DHX57: variants seen among roughly 807,000 people sequenced by gnomAD.
DHX57 encodes DExH-box helicase 57, also known as putative ATP-dependent RNA helicase DHX57.
DHX57 carries 105 observed loss-of-function variants against 156.2 expected under a neutral mutation model. The ratio of observed to expected loss-of-function variants is 0.67; its 90% CI spans 0.57 to 0.79. The LOEUF (loss-of-function observed/expected upper bound fraction) is 0.79. DHX57 is among the 30% of genes least tolerant of loss of function. The pLI, the probability that DHX57 is intolerant of heterozygous loss-of-function variation, is 0.00. For missense variants in DHX57, 1,847 were observed against 1,661.9 expected (o/e 1.11, Z -1.94); for synonymous variants, 704 against 595.6 (o/e 1.18, Z -2.65).
At chr2:38,819,264 T>C in intron 17 of DHX57, 120 bp from the exon 18 acceptor site, 2 of 874,352 alleles carry the variant, frequency 2.3e-6, no homozygotes, top group Non-Finnish European at 3.6e-6. Flanking sequence ...AACCTTTATC[T>C]CCCAGGCTTA....
intron 19 of DHX57, among the ~76,000 whole-genome samples, chr2:38,818,169 AT>A: frequency 6.6e-6 from 1 of 152,296 alleles, no homozygotes; most frequent in Middle Eastern, 3.4e-3. Context: ...CTCCAGAATA[AT>A]GCACATATGT....
At chr2:38,859,614 A>G (rs181461618) in intron 5 of DHX57, among the ~76,000 whole-genome samples, 30 of 152,296 alleles carry the variant, frequency 2.0e-4, no homozygotes, top group Non-Finnish European at 3.5e-4. Context: ...CAAGGAACAC[A>G]TTTGAATCCC....
chr2:38,866,016 A>G (rs1259067270), intron 2 of DHX57, among the ~76,000 whole-genome samples: 1 of 152,188 alleles, frequency 6.6e-6, no homozygotes, highest in Non-Finnish European at 1.5e-5. Flanking sequence ...GGAGGAAGGG[A>G]CAGCAAAATC....
In DHX57 at chr2:38,826,607, T is replaced by G; in HGVS notation, c.2722A>C (p.Lys908Gln). ...VFVKPPAGVT[K>Q]IIISTNIAET... ...GCAATGTTGGTGGAAATTATAATCT[T>G]AGTTACTCCTGCAGGAGGTTTTACA... Residue 908 changes from lysine to glutamine, a missense_variant, in exon 15 of 24, where the codon AAG (lysine) becomes CAG (glutamine). Lys to Gln is a moderately conservative substitution (Grantham distance 53). Transcript: ENST00000457308. The G allele has an allele frequency of 6.2e-7, 1 of 1,614,168 alleles. No individual in the cohort carries two copies.
At chr2:38,815,337 T>C (rs562838179) in intron 20 of DHX57, among the ~76,000 whole-genome samples, 184 bp downstream of exon 20, 1 of 152,284 alleles carries the variant, frequency 6.6e-6, no homozygotes, top group South Asian at 2.1e-4. Flanking sequence ...AGTGTTGGGA[T>C]TATAGGCACG....
chr2:38,863,490 T>A lies in DHX57; in HGVS notation c.254A>T (p.Glu85Val). 1 of 1,613,968 alleles carries A rather than the reference T, an allele frequency of 6.2e-7. No homozygotes were observed. The highest frequency in any genetic ancestry group is 8.5e-7 in the Non-Finnish European group (1 of 1,179,998). Reference protein sequence around the residue: ...RPSNSNISKGESRPKWKPKAK... With the variant: ...RPSNSNISKGVSRPKWKPKAK... ...TTTGGGTTTCCATTTTGGGCGTGAC[T>A]CTCCTTTGCTTATGTTACTGTTGCT... Residue 85 changes from glutamate to valine, a missense_variant, in exon 3 of 24, where the codon GAG becomes GTG. Transcript: ENST00000457308.
rs1212408090 is a variant in DHX57, at chr2:38,862,262, C to T, written c.455G>A (p.Gly152Glu). 6.2e-7 allele frequency: 1 copy of T among 1,613,968 alleles called. No individual in the cohort carries two copies. The highest frequency in any genetic ancestry group is 8.5e-7 in the Non-Finnish European group (1 of 1,179,882). Residue 152 changes from glycine (G) to glutamate (E), a missense_variant, in exon 4 of 24, where the codon GGA (glycine) becomes GAA (glutamate). Coordinates refer to ENST00000457308, the MANE Select transcript of DHX57 (RefSeq NM_198963.3). ...GTCGGGAACGAGGGAAGGTTCCTGT[C>T]CAGCTGGCCAGTACCGCTCATCGTT... Reference protein sequence around the residue: ...CCNDERYWPAGQEPSLVPDLD... With the variant: ...CCNDERYWPAEQEPSLVPDLD...
At position 38,858,809 on chromosome 2, in the gene DHX57, G is replaced by C; in HGVS notation, c.1439C>G (p.Ser480Ter). Residue 480 changes from serine (S) to a stop codon, truncating the protein, a stop_gained, in exon 6 of 24, where the codon TCA (serine) becomes TGA (stop). Transcript: ENST00000457308. LOFTEE classifies it high-confidence loss of function. ...EVEKASESEE[S>*]DEDDGPAPVI... Reference sequence around the variant, plus strand: ...AGGTGCAGGACCGTCATCCTCATCTGACTCCTCAGATTCTGATGCTTTTTC... The same window carrying C: ...AGGTGCAGGACCGTCATCCTCATCTCACTCCTCAGATTCTGATGCTTTTTC... The C allele has an allele frequency of 6.2e-7, 1 of 1,611,880 alleles. No individual in the cohort carries two copies. Among genetic ancestry groups the C allele is most frequent in the Non-Finnish European group, 8.5e-7 (1 of 1,179,486 alleles).
chr2:38,863,474 C>A lies in DHX57; in HGVS notation c.270G>T (p.Trp90Cys). 6.2e-7 allele frequency: 1 copy of A among 1,614,076 alleles called. No individual in the cohort carries two copies. Among genetic ancestry groups the A allele is most frequent in the Middle Eastern group, 1.6e-4 (1 of 6,062 alleles). The change falls in exon 3 of 24, where the codon TGG (tryptophan) becomes TGT (cysteine). Residue 90 changes from tryptophan (W) to cysteine (C), a missense_variant. Trp to Cys is a radical substitution (Grantham distance 215). Coordinates refer to ENST00000457308, the MANE Select transcript of DHX57 (RefSeq NM_198963.3). ...NISKGESRPK[W>C]KPKAKVPLQT... is the part of the protein sequence containing the mutation. Reference sequence around the variant, plus strand: ...GAAGGGGTACTTTGGCTTTGGGTTTCCATTTTGGGCGTGACTCTCCTTTGC... The same window carrying A: ...GAAGGGGTACTTTGGCTTTGGGTTTACATTTTGGGCGTGACTCTCCTTTGC...
At chr2:38,816,213 T>G (rs891574066) in intron 19 of DHX57, 2 of 470,590 alleles carry the variant, frequency 4.2e-6, no homozygotes, top group Admixed American at 4.7e-5. Flanking sequence ...ATTAAGTGAT[T>G]CAATATTTTT....
intron 5 of DHX57, among the ~76,000 whole-genome samples, chr2:38,859,564 A>G (rs1673077169): frequency 6.6e-6 from 1 of 152,200 alleles, no homozygotes; most frequent in South Asian, 2.1e-4. Context: ...TAAAACTATT[A>G]TTTTAGAAAA....
chr2:38,854,703 AG>A, intron 8 of DHX57: 1 of 201,546 alleles, frequency 5.0e-6, no homozygotes, highest in Non-Finnish European at 1.0e-5. Flanking sequence ...CTGGGATTAC[AG>A]GCGTGTGCCA....
chr2:38,815,453 G>T (rs943398317), intron 20 of DHX57, 68 bp downstream of exon 20: 68 of 1,592,886 alleles, frequency 4.3e-5, no homozygotes, highest in Non-Finnish European at 5.5e-5. Context: ...GTCTACAAGT[G>T]TTCCCAGGTT....
At chr2:38,833,269 T>A (rs980762937) in intron 13 of DHX57, among the ~76,000 whole-genome samples, 7 of 151,920 alleles carry the variant, frequency 4.6e-5, no homozygotes, top group African/African-American at 7.3e-5. Flanking sequence ...CAGCCTCCTG[T>A]GTAGCTGGGA....
Position 38,828,340 on chromosome 2 carries a change from C to T in DHX57, c.2639G>A (p.Arg880Gln), listed in dbSNP as rs1193792866. The change falls in exon 14 of 24, where the codon CGA becomes CAA. Residue 880 changes from arginine to glutamine, a missense_variant and splice_region_variant. Transcript: ENST00000457308. ...AGAATATAGAAAGCAATTAGCTTAC[C>T]GATTACTACGTCTGTTGTTGAAAAG... ...NSLFNNRRSN[R>Q]CVIHPLHSSL... is the part of the protein sequence containing the mutation. The T allele has an allele frequency of 3.1e-6, 5 of 1,608,756 alleles. No individual in the cohort carries two copies. Among genetic ancestry groups the T allele is most frequent in the Non-Finnish European group, 1.7e-6 (2 of 1,177,242 alleles).
intron 13 of DHX57, among the ~76,000 whole-genome samples, chr2:38,831,716 G>C (rs2124835668): frequency 6.6e-6 from 1 of 151,966 alleles, no homozygotes; most frequent in South Asian, 2.1e-4. Flanking sequence ...AATTAGCCGG[G>C]CATGGTGGCG....
At chr2:38,825,368 T>G (rs1329940784) in intron 16 of DHX57, among the ~76,000 whole-genome samples, 1 of 152,182 alleles carries the variant, frequency 6.6e-6, no homozygotes, top group East Asian at 1.9e-4. Flanking sequence ...AGTGGCACGA[T>G]CTCAGCTCAC....
chr2:38,860,583 A>G (rs917731721), intron 5 of DHX57, among the ~76,000 whole-genome samples: 4 of 152,244 alleles, frequency 2.6e-5, no homozygotes, highest in African/African-American at 9.6e-5. Context: ...GTACACCAAA[A>G]GCAGGAGGGT....
chr2:38,850,921 A>G (rs1672555020), intron 9 of DHX57, among the ~76,000 whole-genome samples: 1 of 152,140 alleles, frequency 6.6e-6, no homozygotes, highest in South Asian at 2.1e-4. Context: ...TTAAAAAAAT[A>G]GAAAAATTAG....
Sources: allele counts gnomAD v4.1 joint callset (sites outside exome capture counted in the v4.1 genomes callset), GRCh38; gene constraint gnomAD v4.1.1; transcripts MANE v1.5; gene names NCBI Gene and HGNC (gene_info 2026-07-23, HGNC 2026-07-21).